Variants in ZC3HAV1L observed in about 807,000 individuals in gnomAD.
The protein encoded by ZC3HAV1L is zinc finger CCCH-type antiviral protein 1-like.
A neutral mutation model predicts 28.2 loss-of-function variants in ZC3HAV1L; 23 were observed. The ratio of observed to expected loss-of-function variants is 0.82; its 90% CI spans 0.59 to 1.16. The LOEUF (loss-of-function observed/expected upper bound fraction) is 1.16, where lower values mean the gene tolerates loss of function less well. Ranked by LOEUF, ZC3HAV1L falls within the 50% of genes most tolerant of loss-of-function variation. The pLI is 0.00. For missense variants in ZC3HAV1L, 376 were observed against 387.7 expected (o/e 0.97, Z 0.25); for synonymous variants, 180 against 163.4 (o/e 1.10, Z -0.78).
rs984729639 is a variant in ZC3HAV1L at position 139,027,182 on chromosome 7, C to T, written c.761-349G>A. On this transcript the variant is annotated intron_variant, in intron 3 of 4. Transcript: ENST00000275766. ...GAGCCCTCCCTGTCTGCACTCACTA[C>T]GTCTGACACTAACATCCCAACACAT... Among the ~76,000 whole-genome samples the T allele has an allele frequency of 4.1e-4, 62 of 152,226 alleles. 1 individual carries two copies. The highest frequency in any genetic ancestry group is 1.3e-3 in the African/African-American group (52 of 41,548).
chr7:139,033,751 A>C (rs1815607323), intron 2 of ZC3HAV1L: 24 of 985,452 alleles, frequency 2.4e-5, no homozygotes, highest in Non-Finnish European at 2.9e-5. Flanking sequence ...TATAAATCAA[A>C]AAGTACTATA....
downstream of ZC3HAV1L, among the ~76,000 whole-genome samples, chr7:139,022,227 G>A (rs1815259411): frequency 6.6e-6 from 1 of 152,066 alleles, no homozygotes; most frequent in African/African-American, 2.4e-5. Flanking sequence ...ATTCCTTAGG[G>A]GGAAAAAAAG....
chr7:139,028,555 TA>T, intron 3 of ZC3HAV1L, 146 bp downstream of exon 3: 1 of 1,119,816 alleles, frequency 8.9e-7, no homozygotes, highest in Non-Finnish European at 1.3e-6. Flanking sequence ...TTGCCTGTTC[TA>T]AACTTTCCCA....
At chr7:139,021,768 A>G (rs1319436349), downstream of ZC3HAV1L, among the ~76,000 whole-genome samples, 1 of 152,118 alleles carries the variant, frequency 6.6e-6, no homozygotes, top group Non-Finnish European at 1.5e-5. Context: ...CTAACAAAGA[A>G]CATTTGTTTA....
chr7:139,034,169 A>G (rs536498582), intron 2 of ZC3HAV1L: 7 of 985,398 alleles, frequency 7.1e-6, no homozygotes, highest in South Asian at 4.7e-5. Context: ...TCAGGCCACA[A>G]TTATGAACTA....
At chr7:139,024,464 A>G (rs1191080991), downstream of ZC3HAV1L, among the ~76,000 whole-genome samples, 1 of 152,218 alleles carries the variant, frequency 6.6e-6, no homozygotes, top group Non-Finnish European at 1.5e-5. Flanking sequence ...CTTACTACAA[A>G]AATATACATA....
chr7:139,034,795 G>A, intron 1 of ZC3HAV1L, 117 bp from the exon 2 acceptor site: 2 of 1,463,492 alleles, frequency 1.4e-6, no homozygotes, highest in Non-Finnish European at 1.8e-6. Flanking sequence ...TAATTTTCAT[G>A]AAACCGGGGA....
At chr7:139,033,095 A>G (rs1052538194) in intron 2 of ZC3HAV1L, among the ~76,000 whole-genome samples, 12 of 152,032 alleles carry the variant, frequency 7.9e-5, no homozygotes, top group African/African-American at 2.9e-4. Flanking sequence ...TGTAGTCCCA[A>G]CTATTCAGGA....
chr7:139,031,748 A>G (rs1277799996), intron 2 of ZC3HAV1L, among the ~76,000 whole-genome samples: 1 of 151,870 alleles, frequency 6.6e-6, no homozygotes, highest in East Asian at 1.9e-4. Flanking sequence ...TACTCAAAAT[A>G]CAAAAAACTA....
chr7:139,031,267 G>A (rs1222224400), intron 2 of ZC3HAV1L, among the ~76,000 whole-genome samples: 1 of 152,134 alleles, frequency 6.6e-6, no homozygotes, highest in Non-Finnish European at 1.5e-5. Context: ...AGGCAACACA[G>A]CAAGACTCTG....
intron 1 of ZC3HAV1L, chr7:139,035,357 C>T: frequency 6.1e-6 from 6 of 985,426 alleles, no homozygotes; most frequent in Non-Finnish European, 7.2e-6. Context: ...TCCGAAGTCC[C>T]AGTCCGGATT....
downstream of ZC3HAV1L, among the ~76,000 whole-genome samples, chr7:139,023,965 T>C (rs777558228): frequency 2.3e-4 from 35 of 152,088 alleles, no homozygotes; most frequent in Non-Finnish European, 4.1e-4. Context: ...GAAAAAAAAG[T>C]ATAGGACAAT....
chr7:139,024,884 C>T (rs542644301), downstream of ZC3HAV1L, among the ~76,000 whole-genome samples: 1 of 152,098 alleles, frequency 6.6e-6, no homozygotes, highest in Non-Finnish European at 1.5e-5. Context: ...ATAAACAGAA[C>T]AAAAAAATTA....
At position 139,026,311 on chromosome 7, in the gene ZC3HAV1L, T is replaced by C. The variant is rs757123559; in HGVS notation, c.*233A>G. The C allele has an allele frequency of 1.8e-5, 10 of 556,190 alleles. No individual in the cohort carries two copies. Among genetic ancestry groups the C allele is most frequent in the Non-Finnish European group, 3.1e-5 (10 of 324,236 alleles). 34.5% of individuals were successfully genotyped at this position (556,190 alleles called of 1,614,324 possible). On this transcript the variant is annotated 3_prime_UTR_variant, in exon 5 of 5. Transcript: ENST00000275766. ...ACTCTAGGATTGCCACAATATAAAT[T>C]GATAGAAAAACAATGGTGGACCACA...
chr7:139,025,774 C>A lies in ZC3HAV1L; in HGVS notation c.*770G>T, dbSNP rs1211392422. The A allele has an allele frequency of 6.6e-6, 1 of 151,976 alleles. No homozygotes were observed. Among genetic ancestry groups the A allele is most frequent in the African/African-American group, 2.4e-5 (1 of 41,336 alleles). The allele number at this position is 151,976 out of a possible 1,614,324, so 9.4% of individuals were successfully genotyped here. A position where few individuals can be genotyped will look rare whatever the true frequency, so the allele number is the denominator to read the frequency against. Reference sequence around the variant, plus strand: ...TATCCTTTAGCATCTATAAGCTAAGCAAAAGTAAAAAATAGCTGGAAAAAT... The same window carrying A: ...TATCCTTTAGCATCTATAAGCTAAGAAAAAGTAAAAAATAGCTGGAAAAAT... On this transcript the variant is annotated 3_prime_UTR_variant, in exon 5 of 5. Transcript: ENST00000275766.
chr7:139,028,390 C>CAAAAA (rs1563114010), intron 3 of ZC3HAV1L, among the ~76,000 whole-genome samples: 8 of 139,366 alleles, frequency 5.7e-5, no homozygotes, highest in African/African-American at 2.1e-4. Context: ...AAAACAAAAA[C>CAAAAA]AAAACCTGTT....
chr7:139,026,930 C>T, intron 3 of ZC3HAV1L, 97 bp from the exon 4 acceptor site: 1 of 1,353,580 alleles, frequency 7.4e-7, no homozygotes, highest in Non-Finnish European at 1.0e-6. Flanking sequence ...GACAAGACTC[C>T]CAACACATGG....
downstream of ZC3HAV1L, among the ~76,000 whole-genome samples, chr7:139,022,920 A>G: frequency 6.6e-6 from 1 of 152,224 alleles, no homozygotes; most frequent in East Asian, 1.9e-4. Flanking sequence ...CACGCCTATA[A>G]TACTAACACT....
chr7:139,032,333 G>A (rs1240686202), intron 2 of ZC3HAV1L, among the ~76,000 whole-genome samples: 4 of 152,040 alleles, frequency 2.6e-5, no homozygotes, highest in South Asian at 2.1e-4. Flanking sequence ...CAAGGTGACT[G>A]TAGTTAATAA....
Sources: allele counts gnomAD v4.1 joint callset (sites outside exome capture counted in the v4.1 genomes callset), GRCh38; gene constraint gnomAD v4.1.1; transcripts MANE v1.5; gene names NCBI Gene and HGNC (gene_info 2026-07-23, HGNC 2026-07-21).